The following PCTP variants were observed in gnomAD, a reference collection of about 807,000 sequenced individuals.
PCTP encodes phosphatidylcholine transfer protein.
Under a neutral mutation model 31.0 loss-of-function variants are expected in PCTP, and 27 were observed. That is an observed-to-expected ratio of 0.87 (90% confidence interval 0.64 to 1.20). The LOEUF (loss-of-function observed/expected upper bound fraction) is 1.20. PCTP is among the 50% of genes most tolerant of loss of function. The pLI is 0.00. For synonymous variants in PCTP, 108 were observed against 101.2 expected (o/e 1.07, Z -0.40); for missense variants, 287 against 268.2 (o/e 1.07, Z -0.49).
At chr17:55,767,519 C>A in intron 2 of PCTP, 67 bp downstream of exon 2, 1 of 1,102,576 alleles carries the variant, frequency 9.1e-7, no homozygotes, top group Non-Finnish European at 1.4e-6. Flanking sequence ...GGGTGAAGTG[C>A]AAAGGTAGGA....
downstream of PCTP, among the ~76,000 whole-genome samples, chr17:55,825,735 A>G (rs1220883918): frequency 6.6e-6 from 1 of 152,230 alleles, no homozygotes; most frequent in African/African-American, 2.4e-5. Flanking sequence ...TCCTTAACGC[A>G]TATTTAAACA....
rs541651215 is a variant in PCTP at position 55,833,566 on chromosome 17, C to T, written n.506-9161C>T. On this transcript the variant is annotated intron_variant and non_coding_transcript_variant, in intron 5 of 5. Transcript: ENST00000576221. ...AAATTAGTGGTTTTCAAAGTATGTT[C>T]CCTAGACCAACAGCATCAAATCACC... 2.6e-5 allele frequency among the ~76,000 whole-genome samples: 4 copies of T among 152,294 alleles called. No individual in the cohort carries two copies. In the South Asian group the frequency reaches 6.2e-4, roughly 24 times the overall value.
intron 1 of PCTP, chr17:55,751,624 A>AGGGGGGGGGGGGG: frequency 2.8e-6 from 1 of 360,750 alleles, no homozygotes; most frequent in Non-Finnish European, 5.2e-6. Flanking sequence ...GGGGTGGGGG[A>AGGGGGGGGGGGGG]GGGGCGGTAT....
chr17:55,787,686 G>A (rs1252006024), intron 3 of PCTP: 1 of 152,046 alleles, frequency 6.6e-6, no homozygotes, highest in Admixed American at 6.6e-5. Context: ...ATCAATATGT[G>A]TATGTTTTTA....
chr17:55,790,405 C>T (rs1911916574), intron 3 of PCTP, among the ~76,000 whole-genome samples: 1 of 151,866 alleles, frequency 6.6e-6, no homozygotes, highest in African/African-American at 2.4e-5. Context: ...CTAGAAAACC[C>T]CATTGTCTCA....
At chr17:55,838,256 G>A (rs1311618959) in intron 5 of PCTP, among the ~76,000 whole-genome samples, 2 of 152,140 alleles carry the variant, frequency 1.3e-5, no homozygotes, top group African/African-American at 4.8e-5. Context: ...CAGCCTGCAA[G>A]CCCTATTCAG....
exon 4 of PCTP, chr17:55,822,940 A>G: frequency 1.5e-6 from 1 of 647,810 alleles, no homozygotes; most frequent in Non-Finnish European, 2.2e-6. Flanking sequence ...ATCATTTCTT[A>G]TCTCATTGTT....
chr17:55,847,823 A>G (rs1906179530), downstream of PCTP, among the ~76,000 whole-genome samples: 1 of 152,228 alleles, frequency 6.6e-6, no homozygotes, highest in Non-Finnish European at 1.5e-5. Flanking sequence ...ATGTCTATCC[A>G]TATTAAAACA....
downstream of PCTP, among the ~76,000 whole-genome samples, chr17:55,846,158 C>T (rs1357625610): frequency 6.6e-6 from 1 of 151,992 alleles, no homozygotes; most frequent in East Asian, 1.9e-4. Flanking sequence ...CTGGGGAACT[C>T]CTTCCTTTCT....
At position 55,776,232 on chromosome 17, in the gene PCTP, T is replaced by C. The variant is rs1378507046; in HGVS notation, c.*132T>C. 6 of 1,466,804 alleles carry C rather than the reference T, an allele frequency of 4.1e-6. No homozygotes were observed. Among genetic ancestry groups the C allele is most frequent in the Non-Finnish European group, 3.6e-6 (4 of 1,109,740 alleles). 90.9% of individuals were successfully genotyped at this position (1,466,804 alleles called of 1,614,324 possible). A position where few individuals can be genotyped will look rare whatever the true frequency, so the allele number is the denominator to read the frequency against. ...GAAGAGCACCCACCACTGTTCAGCC[T>C]TCCCCTGCTGTTTCTGTCTTCAGAG... On this transcript the variant is annotated 3_prime_UTR_variant, in exon 6 of 6. Coordinates refer to ENST00000268896, the MANE Select transcript of PCTP (RefSeq NM_021213.4).
intron 3 of PCTP, among the ~76,000 whole-genome samples, chr17:55,790,406 C>T (rs1342581716): frequency 7.9e-5 from 12 of 151,928 alleles, no homozygotes; most frequent in Non-Finnish European, 1.6e-4. Context: ...TAGAAAACCC[C>T]ATTGTCTCAG....
chr17:55,757,421 C>G (rs1419251630), intron 1 of PCTP, among the ~76,000 whole-genome samples: 3 of 149,708 alleles, frequency 2.0e-5, no homozygotes, highest in Non-Finnish European at 4.4e-5. Context: ...TAAGTAGTAT[C>G]CTGGTTTTGC....
chr17:55,774,673 G>A, intron 4 of PCTP, 119 bp from the exon 5 acceptor site: 1 of 797,936 alleles, frequency 1.3e-6, no homozygotes, highest in Non-Finnish European at 2.1e-6. Flanking sequence ...TGAATTATAT[G>A]CTACCTCCCT....
chr17:55,751,506 A>C, intron 1 of PCTP: 1 of 1,480,280 alleles, frequency 6.8e-7, no homozygotes. Flanking sequence ...TGTAGTTAGA[A>C]GTTAATGACA....
intron 1 of PCTP, among the ~76,000 whole-genome samples, chr17:55,766,212 G>A (rs1910639834): frequency 6.6e-6 from 1 of 151,690 alleles, no homozygotes; most frequent in South Asian, 2.1e-4. Flanking sequence ...GACCACAGAG[G>A]AGGTCAGTGT....
intron 1 of PCTP, among the ~76,000 whole-genome samples, chr17:55,765,365 C>A (rs570038337): frequency 6.6e-6 from 1 of 152,148 alleles, no homozygotes; most frequent in Non-Finnish European, 1.5e-5. Flanking sequence ...CCACCAATCA[C>A]CTCTTCTCCA....
At chr17:55,792,445 A>G (rs1239684309) in intron 3 of PCTP, among the ~76,000 whole-genome samples, 1 of 152,074 alleles carries the variant, frequency 6.6e-6, no homozygotes, top group African/African-American at 2.4e-5. Context: ...ACATCTTTTG[A>G]TACAAAATAA....
intron 3 of PCTP, among the ~76,000 whole-genome samples, chr17:55,800,565 G>C (rs146788417): frequency 6.6e-6 from 1 of 151,872 alleles, no homozygotes; most frequent in Non-Finnish European, 1.5e-5. Flanking sequence ...ACCTTCTGAA[G>C]CCTACTTCTG....
At chr17:55,815,544 C>T (rs1912889239) in intron 3 of PCTP, among the ~76,000 whole-genome samples, 1 of 152,094 alleles carries the variant, frequency 6.6e-6, no homozygotes, top group African/African-American at 2.4e-5. Flanking sequence ...CTGCTCTGAT[C>T]CTAGATACCT....
Sources: gnomAD v4.1 joint callset for allele counts (sites outside exome capture counted in the v4.1 genomes callset) on GRCh38, gnomAD v4.1.1 for gene constraint, MANE v1.5 for transcripts, NCBI Gene and HGNC (gene_info 2026-07-23, HGNC 2026-07-21) for gene names.